Variants in PCDH17 observed in about 807,000 individuals in gnomAD.
PCDH17 encodes the protein protocadherin 17, also known as protocadherin-17.
PCDH17 carries 21 observed loss-of-function variants against 67.7 expected under a neutral mutation model. The ratio of observed to expected loss-of-function variants is 0.31; its 90% CI spans 0.22 to 0.45. The LOEUF is 0.45. Ranked by LOEUF, PCDH17 falls within the 20% of genes least tolerant of loss-of-function variation. The pLI, the probability that PCDH17 is intolerant of heterozygous loss-of-function variation, is 1.00. For missense variants in PCDH17, 1,471 were observed against 1,564.8 expected, an observed-to-expected ratio of 0.94 and a Z score of 1.01; for synonymous variants, 701 against 656.7, an observed-to-expected ratio of 1.07 and a Z score of -1.03.
At position 57,679,283 on chromosome 13, in the gene PCDH17, A is replaced by G. The variant is rs141002477; in HGVS notation, c.2797+12450A>G. 2.1e-3 allele frequency among the ~76,000 whole-genome samples: 319 copies of G among 151,550 alleles called. 2 individuals are homozygous for G. Among genetic ancestry groups the G allele is most frequent in the African/African-American group, 7.1e-3 (293 of 41,486 alleles). On this transcript the variant is annotated intron_variant, in intron 3 of 3. Transcript: ENST00000377918. ...TGTATAATGAAAAAAATTATCGACT[A>G]CGAAGACACATTATTTAATCCAATA...
rs79180598 is a variant in PCDH17 at position 57,728,387 on chromosome 13, A to C, written c.*3093A>C. The C allele has an allele frequency of 1.3e-5, 2 of 152,118 alleles. No homozygotes were observed. The highest frequency in any genetic ancestry group is 1.3e-4 in the Admixed American group (2 of 15,246). The allele number at this position is 152,118 out of a possible 1,614,324, so 9.4% of individuals were successfully genotyped here. Reference sequence around the variant, plus strand: ...ACCCCTCAAAAAAGCCCACACATACAAAATATGTGATGTGATACCACTTTG... The same window carrying C: ...ACCCCTCAAAAAAGCCCACACATACCAAATATGTGATGTGATACCACTTTG... On this transcript the variant is annotated 3_prime_UTR_variant, in exon 4 of 4. Transcript: ENST00000377918.
chr13:57,724,506 A>G, intron 3 of PCDH17, 106 bp from the exon 4 acceptor site: 1 of 811,378 alleles, frequency 1.2e-6, no homozygotes. Context: ...TTTTTAATTA[A>G]GAGACCAGAG....
In PCDH17 at chr13:57,725,207, G is replaced by A; in HGVS notation, c.3393G>A (p.Glu1131=). 1 of 1,614,062 alleles carries A rather than the reference G, an allele frequency of 6.2e-7. No individual in the cohort carries two copies. Among genetic ancestry groups the A allele is most frequent in the East Asian group, 2.2e-5 (1 of 44,864 alleles). ...LDHPNRDLGR[E]SVDAEEVVRE... ...ACCCCAACAGGGATCTGGGCAGAGA[G>A]TCTGTGGATGCAGAGGAAGTTGTGA... Residue 1131 remains glutamate, a synonymous_variant, in exon 4 of 4, where the codon GAG becomes GAA. Transcript: ENST00000377918.
At chr13:57,635,146 T>C (rs1330052971) in intron 1 of PCDH17, 35 bp downstream of exon 1, 2 of 1,606,274 alleles carry the variant, frequency 1.2e-6, no homozygotes, top group East Asian at 4.5e-5. Flanking sequence ...GAGTTCACTT[T>C]ATTGCTGGTT....
At chr13:57,705,132 C>T (rs1045084303) in intron 3 of PCDH17, among the ~76,000 whole-genome samples, 3 of 151,464 alleles carry the variant, frequency 2.0e-5, no homozygotes, top group Admixed American at 1.3e-4. Flanking sequence ...GATATAAAAC[C>T]CAAAAGAAAC....
chr13:57,709,128 T>G lies in PCDH17; in HGVS notation c.2798-15484T>G, dbSNP rs542245109. Among the ~76,000 whole-genome samples, 71 of 151,174 alleles carry G rather than the reference T, an allele frequency of 4.7e-4. 1 individual carries two copies. The South Asian group carries it at 4.8e-3, about 10-fold the overall frequency. ...TGTATAAAATATATATATATATTTC[T>G]CATTGCTAAAGTCAGTACATTCTTA... On this transcript the variant is annotated intron_variant, in intron 3 of 3. Transcript: ENST00000377918.
At chr13:57,705,739 G>T (rs1213068197) in intron 3 of PCDH17, among the ~76,000 whole-genome samples, 1 of 152,122 alleles carries the variant, frequency 6.6e-6, no homozygotes, top group Non-Finnish European at 1.5e-5. Flanking sequence ...AAATAGGGTA[G>T]GCACAGTGGC....
intron 1 of PCDH17, among the ~76,000 whole-genome samples, chr13:57,643,222 T>G (rs1487020648): frequency 6.6e-6 from 1 of 151,662 alleles, no homozygotes; most frequent in Admixed American, 6.6e-5. Flanking sequence ...AAATTTTTAC[T>G]GATGTTCTTA....
chr13:57,661,318 G>A (rs1955180423), intron 1 of PCDH17, among the ~76,000 whole-genome samples: 1 of 152,026 alleles, frequency 6.6e-6, no homozygotes, highest in Admixed American at 6.6e-5. Flanking sequence ...TTAGTGTTAA[G>A]CCTTTCAAGT....
chr13:57,696,138 A>G (rs188906918), intron 3 of PCDH17, among the ~76,000 whole-genome samples: 81 of 151,566 alleles, frequency 5.3e-4, no homozygotes, highest in African/African-American at 1.9e-3. Flanking sequence ...AGTAAAAAAT[A>G]GGAATATATG....
intron 3 of PCDH17, among the ~76,000 whole-genome samples, chr13:57,723,161 C>T (rs1337045143): frequency 6.6e-6 from 1 of 151,970 alleles, no homozygotes; most frequent in African/African-American, 2.4e-5. Context: ...TAAAAAATGA[C>T]AAAATTAAAA....
chr13:57,655,825 G>C (rs959994715), intron 1 of PCDH17, among the ~76,000 whole-genome samples: 4 of 151,972 alleles, frequency 2.6e-5, no homozygotes, highest in African/African-American at 9.7e-5. Context: ...TGGTATTAAG[G>C]GGGATAGTAG....
intron 3 of PCDH17, among the ~76,000 whole-genome samples, chr13:57,685,463 C>T (rs1766925297): frequency 6.6e-6 from 1 of 151,922 alleles, no homozygotes; most frequent in Admixed American, 6.6e-5. Context: ...AGCCTAAAGC[C>T]TAATTCCTGA....
intron 1 of PCDH17, among the ~76,000 whole-genome samples, chr13:57,654,165 A>G (rs1043172754): frequency 2.6e-5 from 4 of 152,148 alleles, no homozygotes; most frequent in African/African-American, 9.7e-5. Context: ...TTTCTAAGTA[A>G]GGAGTCAACA....
chr13:57,650,947 C>A (rs1566221189), intron 1 of PCDH17, among the ~76,000 whole-genome samples: 1 of 152,126 alleles, frequency 6.6e-6, no homozygotes. Context: ...CAACATTTTT[C>A]ACTGCAGAGA....
chr13:57,646,360 A>T (rs556715114), intron 1 of PCDH17, among the ~76,000 whole-genome samples: 107 of 151,830 alleles, frequency 7.0e-4, no homozygotes, highest in Non-Finnish European at 1.3e-3. Context: ...CAATGAATAA[A>T]TAATGTAATA....
chr13:57,630,820 GA>G (rs1313234087), upstream of PCDH17, among the ~76,000 whole-genome samples: 1 of 152,206 alleles, frequency 6.6e-6, no homozygotes, highest in African/African-American at 2.4e-5. Context: ...ACCATGAGGC[GA>G]GAGTGAATAC....
rs774118311 is a variant in PCDH17 at position 57,633,662 on chromosome 13, C to T, written c.1116C>T (p.Ala372=). The change falls in exon 1 of 4, where the codon GCC becomes GCT. Residue 372 remains alanine, a synonymous_variant. Transcript: ENST00000377918. The surrounding 1 kb of genome is among the most constrained non-coding windows in gnomAD (Gnocchi z 6.2). The stretch of plus-strand genomic sequence containing the variant: ...CCGCCCCTCCCGGCACCGTCATCGC[C>T]CTGGTGCGGGTCACTGACCGGGACT... ...SEAAPPGTVI[A]LVRVTDRDSG... 6.2e-7 allele frequency: 1 copy of T among 1,606,788 alleles called. No individual in the cohort carries two copies. Among genetic ancestry groups the T allele is most frequent in the South Asian group, 1.1e-5 (1 of 91,062 alleles).
chr13:57,722,631 T>C (rs539455004), intron 3 of PCDH17, among the ~76,000 whole-genome samples: 4 of 152,324 alleles, frequency 2.6e-5, no homozygotes, highest in Non-Finnish European at 5.9e-5. Context: ...ACTTATTTAT[T>C]TTGAGACAGG....
Sources: allele counts gnomAD v4.1 joint callset (sites outside exome capture counted in the v4.1 genomes callset), GRCh38; gene constraint gnomAD v4.1.1; non-coding constraint Gnocchi (gnomAD v3.1); transcripts MANE v1.5; gene names NCBI Gene and HGNC (gene_info 2026-07-23, HGNC 2026-07-21).